Variants in UNC5D observed in about 807,000 individuals in gnomAD.
UNC5D encodes the protein netrin receptor UNC5D.
In UNC5D, 39 loss-of-function variants were observed where a neutral mutation model predicts 105.4. The ratio of observed to expected loss-of-function variants is 0.37; its 90% CI spans 0.29 to 0.48. The LOEUF (loss-of-function observed/expected upper bound fraction) is 0.48, where lower values mean the gene tolerates loss of function less well. Ranked by LOEUF, UNC5D falls within the 20% of genes least tolerant of loss-of-function variation. The pLI, the probability that UNC5D is intolerant of heterozygous loss-of-function variation, is 0.98. For synonymous variants in UNC5D, 452 were observed against 450.4 expected (o/e 1.00, Z -0.04); for missense variants, 991 against 1,202.4 (o/e 0.82, Z 2.60).
intron 1 of UNC5D, among the ~76,000 whole-genome samples, chr8:35,302,826 A>C (rs1161553922): frequency 1.3e-5 from 2 of 152,188 alleles, no homozygotes. Context: ...AAAAGTGACC[A>C]CTAATACTTT....
intron 7 of UNC5D, among the ~76,000 whole-genome samples, chr8:35,696,655 CCT>C (rs1387373449): frequency 2.0e-5 from 3 of 152,068 alleles, no homozygotes; most frequent in African/African-American, 7.2e-5. Context: ...ATAAAGGAAA[CCT>C]CTTTGTTTTG....
At chr8:35,253,844 T>G (rs1585421807) in intron 1 of UNC5D, among the ~76,000 whole-genome samples, 1 of 152,272 alleles carries the variant, frequency 6.6e-6, no homozygotes, top group East Asian at 1.9e-4. Flanking sequence ...GTGAGGAGCT[T>G]CTTCTTTCTC....
intron 4 of UNC5D, among the ~76,000 whole-genome samples, chr8:35,645,531 G>A (rs1188505620): frequency 3.3e-5 from 5 of 149,310 alleles, no homozygotes; most frequent in African/African-American, 5.1e-5. Context: ...TGTGTGCTGT[G>A]TGTGTGTGTG....
intron 7 of UNC5D, among the ~76,000 whole-genome samples, chr8:35,702,719 TG>T (rs1827293765): frequency 6.6e-6 from 1 of 152,194 alleles, no homozygotes; most frequent in Admixed American, 6.5e-5. Flanking sequence ...TATTTCCTTT[TG>T]GGAAAATGCT....
intron 4 of UNC5D, among the ~76,000 whole-genome samples, chr8:35,647,855 G>A (rs1823153758): frequency 6.6e-6 from 1 of 152,136 alleles, no homozygotes; most frequent in South Asian, 2.1e-4. Flanking sequence ...GCAAGCCTGG[G>A]TGTTCCTCTA....
chr8:35,762,197 T>C (rs1211533340), intron 14 of UNC5D, among the ~76,000 whole-genome samples: 1 of 151,964 alleles, frequency 6.6e-6, no homozygotes, highest in Non-Finnish European at 1.5e-5. Context: ...GCTAGGGAGG[T>C]ACCCAGTGCA....
In UNC5D at chr8:35,684,683, C is replaced by G. The variant is rs768792332; in HGVS notation, c.853C>G (p.Leu285Val). The G allele has an allele frequency of 2.5e-6, 4 of 1,613,902 alleles. No individual in the cohort carries two copies. The part of the protein sequence containing the change: ...RSRTCTNPAP[L>V]NGGAFCEGMS... ...CCGGACCTGCACCAACCCAGCTCCT[C>G]TCAATGGTGGGGCCTTTTGTGAGGG... The change falls in exon 6 of 17, where the codon CTC becomes GTC. Residue 285 changes from leucine (L) to valine (V), a missense_variant. Leu to Val is a conservative substitution (Grantham distance 32). Coordinates refer to ENST00000404895, the MANE Select transcript of UNC5D (RefSeq NM_080872.4).
intron 11 of UNC5D, among the ~76,000 whole-genome samples, chr8:35,733,234 C>T (rs1168569420): frequency 6.6e-6 from 1 of 152,164 alleles, no homozygotes; most frequent in South Asian, 2.1e-4. Flanking sequence ...TGATAGCTCA[C>T]GACTACTTAG....
chr8:35,709,908 G>A (rs937786328), intron 8 of UNC5D, among the ~76,000 whole-genome samples: 3 of 152,238 alleles, frequency 2.0e-5, no homozygotes, highest in African/African-American at 7.2e-5. Context: ...AATAGTAATA[G>A]CTAAGGTCAG....
chr8:35,759,574 T>A (rs1801426816), intron 14 of UNC5D, 105 bp downstream of exon 14: 2 of 1,305,490 alleles, frequency 1.5e-6, no homozygotes, highest in South Asian at 2.8e-5. Flanking sequence ...CTTTAAAGGA[T>A]GGATTTCACC....
chr8:35,423,521 T>G (rs141707756), intron 1 of UNC5D, among the ~76,000 whole-genome samples: 3 of 152,354 alleles, frequency 2.0e-5, no homozygotes, highest in African/African-American at 7.2e-5. Flanking sequence ...TCTCAGTTGA[T>G]TTGTAGACAC....
At chr8:35,396,127 C>T (rs1401672547) in intron 1 of UNC5D, among the ~76,000 whole-genome samples, 1 of 152,078 alleles carries the variant, frequency 6.6e-6, no homozygotes, top group Non-Finnish European at 1.5e-5. Context: ...TTGCTCAGCC[C>T]CTTTTGTTTA....
At chr8:35,310,121 C>T (rs1417960044) in intron 1 of UNC5D, among the ~76,000 whole-genome samples, 1 of 152,124 alleles carries the variant, frequency 6.6e-6, no homozygotes, top group African/African-American at 2.4e-5. Context: ...TCTAGTGTCT[C>T]TTTAAAAAGA....
chr8:35,525,760 C>A lies in UNC5D; in HGVS notation c.104-23532C>A. 6 of 1,554,714 alleles carry A rather than the reference C, an allele frequency of 3.9e-6. No individual in the cohort carries two copies. The South Asian group carries it at 7.1e-5, about 18-fold the overall frequency. On this transcript the variant is annotated intron_variant, in intron 1 of 16. Coordinates refer to ENST00000404895, the MANE Select transcript of UNC5D (RefSeq NM_080872.4). ...CTGAAGTACTCGCCCGGAGGAGCCGCCATCTTGGGAGTGCCGTAATGTGCT... is the reference window on the plus strand; with the variant it reads ...CTGAAGTACTCGCCCGGAGGAGCCGACATCTTGGGAGTGCCGTAATGTGCT...
intron 1 of UNC5D, among the ~76,000 whole-genome samples, chr8:35,364,402 A>G (rs1802006901): frequency 6.6e-6 from 1 of 152,038 alleles, no homozygotes; most frequent in African/African-American, 2.4e-5. Flanking sequence ...TCTTCTTTTG[A>G]TGTCCCCATC....
chr8:35,676,904 G>GT (rs140725804), intron 4 of UNC5D, among the ~76,000 whole-genome samples: 36,851 of 149,072 alleles, frequency 0.25, 4,768 homozygotes, highest in African/African-American at 0.31. Context: ...TCATGAATAT[G>GT]TTTTTTTTTT....
At chr8:35,390,221 T>C (rs1459287695) in intron 1 of UNC5D, among the ~76,000 whole-genome samples, 3 of 152,124 alleles carry the variant, frequency 2.0e-5, no homozygotes, top group African/African-American at 7.2e-5. Flanking sequence ...AGAGGGATGG[T>C]GAGAAAACCA....
intron 1 of UNC5D, among the ~76,000 whole-genome samples, chr8:35,284,406 C>G (rs1176405713): frequency 6.6e-6 from 1 of 152,162 alleles, no homozygotes; most frequent in Non-Finnish European, 1.5e-5. Flanking sequence ...CCATCTAAAT[C>G]CCAGACTTAA....
At chr8:35,494,379 G>A (rs535750557) in intron 1 of UNC5D, among the ~76,000 whole-genome samples, 151 of 151,972 alleles carry the variant, frequency 9.9e-4, no homozygotes, top group African/African-American at 3.4e-3. Context: ...TTACATATTA[G>A]GATTATTTCC....
Sources: gnomAD v4.1 joint callset for allele counts (sites outside exome capture counted in the v4.1 genomes callset) on GRCh38, gnomAD v4.1.1 for gene constraint, MANE v1.5 for transcripts, NCBI Gene and HGNC (gene_info 2026-07-23, HGNC 2026-07-21) for gene names.